The following CXCL13 variants were observed in gnomAD, a reference collection of about 807,000 sequenced individuals.
The protein encoded by CXCL13 is C-X-C motif chemokine 13.
In CXCL13, 7 loss-of-function variants were observed where a neutral mutation model predicts 12.2. That is an observed-to-expected ratio of 0.57 (90% CI 0.33 to 1.07). The LOEUF (loss-of-function observed/expected upper bound fraction) is 1.07, where lower values mean the gene tolerates loss of function less well. CXCL13 is among the 50% of genes least tolerant of loss of function. The probability of loss-of-function intolerance (pLI) is 0.04; values close to 1 mark genes in which losing one functional copy is unlikely to be tolerated. For synonymous variants in CXCL13, 47 were observed against 42.4 expected (o/e 1.11, Z -0.42); for missense variants, 113 against 127.4 (o/e 0.89, Z 0.55).
At chr4:77,550,645 A>C (rs941423154) in intron 1 of CXCL13, among the ~76,000 whole-genome samples, 1 of 152,154 alleles carries the variant, frequency 6.6e-6, no homozygotes, top group Non-Finnish European at 1.5e-5. Flanking sequence ...CAATTGATCA[A>C]ATGTTGAAGT....
intron 1 of CXCL13, among the ~76,000 whole-genome samples, chr4:77,519,690 T>C (rs1050586081): frequency 6.6e-6 from 1 of 152,238 alleles, no homozygotes; most frequent in Admixed American, 6.5e-5. Context: ...TGGTAGTTTC[T>C]TTTGCTGTGC....
intron 1 of CXCL13, among the ~76,000 whole-genome samples, chr4:77,545,355 G>A (rs1350210024): frequency 6.6e-6 from 1 of 152,120 alleles, no homozygotes. Flanking sequence ...CCATTTTCAT[G>A]ATATTGATTC....
At chr4:77,544,118 T>G (rs1043865578) in intron 1 of CXCL13, among the ~76,000 whole-genome samples, 7 of 152,356 alleles carry the variant, frequency 4.6e-5, no homozygotes, top group African/African-American at 1.7e-4. Flanking sequence ...GGAGTACATG[T>G]GCAACATTTT....
chr4:77,528,830 GT>G (rs1239269487), intron 1 of CXCL13, among the ~76,000 whole-genome samples: 1 of 152,176 alleles, frequency 6.6e-6, no homozygotes, highest in Non-Finnish European at 1.5e-5. Flanking sequence ...TGCTTTTGGT[GT>G]TTTAGACATG....
chr4:77,568,830 T>C (rs1725999339), intron 1 of CXCL13, among the ~76,000 whole-genome samples: 1 of 152,186 alleles, frequency 6.6e-6, no homozygotes, highest in African/African-American at 2.4e-5. Context: ...GGAATCTTAG[T>C]TTTGCCTTTC....
chr4:77,553,883 T>G (rs1725593583), intron 1 of CXCL13, among the ~76,000 whole-genome samples: 1 of 152,158 alleles, frequency 6.6e-6, no homozygotes, highest in African/African-American at 2.4e-5. Flanking sequence ...TAGTGTACAA[T>G]GTAAGGACTA....
intron 1 of CXCL13, among the ~76,000 whole-genome samples, chr4:77,520,290 A>G (rs768000470): frequency 6.6e-6 from 1 of 152,210 alleles, no homozygotes; most frequent in Non-Finnish European, 1.5e-5. Flanking sequence ...CATTGAACCT[A>G]TAAATTACCT....
chr4:77,588,505 ACAAT>A (rs1726533424), intron 1 of CXCL13, among the ~76,000 whole-genome samples: 1 of 152,226 alleles, frequency 6.6e-6, no homozygotes, highest in Non-Finnish European at 1.5e-5. Flanking sequence ...CACATCACTG[ACAAT>A]GCTTGGAGCC....
chr4:77,540,999 A>T (rs1403571037), intron 1 of CXCL13, among the ~76,000 whole-genome samples: 1 of 152,054 alleles, frequency 6.6e-6, no homozygotes, highest in Non-Finnish European at 1.5e-5. Flanking sequence ...CATTTCTCTG[A>T]TGATGTGATG....
rs910861022 is a variant in CXCL13 at position 77,581,938 on chromosome 4, C to T, written c.-42-23886C>T. On this transcript the variant is annotated intron_variant, in intron 1 of 4. Transcript: ENST00000286758. ...TGCAATTTTGGTTTCTATTACTCTA[C>T]TGAAACTCTTCTATTAAAGTTCACT... Among the ~76,000 whole-genome samples, 7 of 152,186 alleles carry T rather than the reference C, an allele frequency of 4.6e-5. No homozygotes were observed. The East Asian group carries it at 1.2e-3, about 25-fold the overall frequency.
intron 1 of CXCL13, among the ~76,000 whole-genome samples, chr4:77,545,924 C>G (rs1440721384): frequency 6.6e-6 from 1 of 152,176 alleles, no homozygotes; most frequent in Non-Finnish European, 1.5e-5. Flanking sequence ...TACATCCCAT[C>G]AGTACCTAGT....
At chr4:77,564,041 T>C (rs1725872069) in intron 1 of CXCL13, among the ~76,000 whole-genome samples, 1 of 152,242 alleles carries the variant, frequency 6.6e-6, no homozygotes, top group South Asian at 2.1e-4. Flanking sequence ...TTGAAATTCT[T>C]AATAATTGTG....
At chr4:77,602,287 A>T (rs1248484219), upstream of CXCL13, among the ~76,000 whole-genome samples, 1 of 152,198 alleles carries the variant, frequency 6.6e-6, no homozygotes, top group Non-Finnish European at 1.5e-5. Flanking sequence ...GTGAGTACTG[A>T]CATCTACAGT....
At position 77,611,757 on chromosome 4, in the gene CXCL13, G is replaced by A. The variant is rs1727164119; in HGVS notation, c.*718G>A. The A allele has an allele frequency of 5.1e-6, 2 of 389,764 alleles. No homozygotes were observed. The highest frequency in any genetic ancestry group is 9.0e-6 in the Non-Finnish European group (2 of 222,176). 24.1% of individuals were successfully genotyped at this position (389,764 alleles called of 1,614,324 possible). ...TTTTTTGTGGGGGGCGGGGCCGGGG[G>A]GACTCTGGTATCTAATTCTTTAATG... is the stretch of plus-strand genomic sequence containing the variant. On this transcript the variant is annotated 3_prime_UTR_variant, in exon 4 of 4. Transcript: ENST00000682537.
At chr4:77,541,656 G>A (rs1387357062) in intron 1 of CXCL13, among the ~76,000 whole-genome samples, 1 of 152,056 alleles carries the variant, frequency 6.6e-6, no homozygotes, top group African/African-American at 2.4e-5. Flanking sequence ...GATGGCTCTG[G>A]CTTTTTTCTT....
At chr4:77,513,708 TC>T (rs1344527635) in intron 1 of CXCL13, among the ~76,000 whole-genome samples, 3 of 151,964 alleles carry the variant, frequency 2.0e-5, no homozygotes, top group Non-Finnish European at 4.4e-5. Flanking sequence ...CAACTCAGCC[TC>T]CCAAAATGCT....
intron 1 of CXCL13, among the ~76,000 whole-genome samples, chr4:77,592,601 T>C (rs1298293254): frequency 6.6e-6 from 1 of 150,894 alleles, no homozygotes; most frequent in African/African-American, 2.5e-5. Context: ...AGTTTGTCAA[T>C]ATATAATGAA....
At chr4:77,538,635 C>T (rs150890012) in intron 1 of CXCL13, among the ~76,000 whole-genome samples, 140 of 152,106 alleles carry the variant, frequency 9.2e-4, no homozygotes, top group Non-Finnish European at 1.7e-3. Flanking sequence ...CTGACAAAGC[C>T]CACTAGAGAT....
intron 1 of CXCL13, among the ~76,000 whole-genome samples, chr4:77,570,767 C>T (rs892084434): frequency 2.0e-4 from 30 of 149,418 alleles, no homozygotes; most frequent in Middle Eastern, 3.2e-3. Context: ...AGCGGTCGGC[C>T]GGCCCTGCCG....
Sources: allele counts gnomAD v4.1 joint callset (sites outside exome capture counted in the v4.1 genomes callset), GRCh38; gene constraint gnomAD v4.1.1; transcripts MANE v1.5; gene names NCBI Gene and HGNC (gene_info 2026-07-23, HGNC 2026-07-21).